DNAAF2: variants seen among roughly 807,000 people sequenced by gnomAD.
DNAAF2 encodes dynein axonemal assembly factor 2.
DNAAF2 carries 58 observed loss-of-function variants against 48.8 expected under a neutral mutation model. The observed-to-expected ratio is 1.19, with a 90% CI of 0.96 to 1.48. DNAAF2 has a LOEUF of 1.48. DNAAF2 is among the 40% of genes most tolerant of loss of function. DNAAF2 has a pLI of 0.00. For synonymous variants in DNAAF2, 567 were observed against 481.2 expected (o/e 1.18, Z -2.33); for missense variants, 1,241 against 1,116.1 (o/e 1.11, Z -1.59).
In DNAAF2 at chr14:49,634,899, C is replaced by G. The variant is rs1227666218; in HGVS notation, c.251G>C (p.Gly84Ala). Reference sequence around the variant, plus strand: ...GACATTCACAAAGCAGCGCCGCGCCCCGTCCAGGCTGGTGCGCAGCACATG... The same window carrying G: ...GACATTCACAAAGCAGCGCCGCGCCGCGTCCAGGCTGGTGCGCAGCACATG... ...PGHVLRTSLD[G>A]ARRCFVNVCS... The change falls in exon 1 of 3, where the codon GGG becomes GCG. Residue 84 changes from glycine (G) to alanine (A), a missense_variant. By Grantham distance (60) the Gly-to-Ala change is moderately conservative. Transcript: ENST00000298292. 6 of 1,550,388 alleles carry G rather than the reference C, an allele frequency of 3.9e-6. No homozygotes were observed. Among genetic ancestry groups the G allele is most frequent in the African/African-American group, 1.4e-5 (1 of 73,076 alleles).
At chr14:49,630,704 A>ACACACACACACACACAC (rs1883132021) in intron 1 of DNAAF2, among the ~76,000 whole-genome samples, 6 of 58,720 alleles carry the variant, frequency 1.0e-4, no homozygotes, top group Non-Finnish European at 2.5e-4. Context: ...CACACACATA[A>ACACACACACACACACAC]ACTCTCTACA....
rs1002627627 is a variant in DNAAF2, at chr14:49,634,775, C to G, written c.375G>C (p.Leu125=). 9 of 1,586,640 alleles carry G rather than the reference C, an allele frequency of 5.7e-6. No individual in the cohort carries two copies. Among genetic ancestry groups the G allele is most frequent in the Non-Finnish European group, 7.7e-6 (9 of 1,170,630 alleles). Residue 125 remains leucine, a synonymous_variant, in exon 1 of 3, where the codon CTG becomes CTC. Coordinates refer to ENST00000298292, the MANE Select transcript of DNAAF2 (RefSeq NM_018139.3). The part of the protein sequence containing the change: ...PGSHWSLPYS[L]APGREYAGRS... The stretch of plus-strand genomic sequence containing the variant: ...GCCCCGCGTACTCGCGGCCGGGCGC[C>G]AGGCTGTAGGGCAGGGACCAGTGGC...
rs1424973374 is a variant in DNAAF2 at position 49,635,165 on chromosome 14, C to T, written c.-16G>A. On this transcript the variant is annotated 5_prime_UTR_variant, in exon 1 of 3. Transcript: ENST00000298292. ...CTTTGGCCATACTGTCCTGTGGCTC[C>T]TCGCCCTCGGGCCAAAGGCGATCAG... 2.3e-5 allele frequency: 36 copies of T among 1,552,170 alleles called. No homozygotes were observed. Among genetic ancestry groups the T allele is most frequent in the Non-Finnish European group, 3.0e-5 (35 of 1,148,150 alleles).
In DNAAF2 at chr14:49,634,532, G is replaced by A. The variant is rs759493468; in HGVS notation, c.618C>T (p.Pro206=). Residue 206 remains proline, a synonymous_variant, in exon 1 of 3, where the codon CCC becomes CCT. Coordinates refer to ENST00000298292, the MANE Select transcript of DNAAF2 (RefSeq NM_018139.3). ...PEAAVLRTPL[P]GVIPARPDGE... Reference sequence around the variant, plus strand: ...CGTCAGGCCTTGCGGGGATGACCCCGGGCAGGGGCGTGCGCAGCACCGCAG... The same window carrying A: ...CGTCAGGCCTTGCGGGGATGACCCCAGGCAGGGGCGTGCGCAGCACCGCAG... 1.2e-6 allele frequency: 2 copies of A among 1,602,078 alleles called. No individual in the cohort carries two copies. Among genetic ancestry groups the A allele is most frequent in the East Asian group, 2.2e-5 (1 of 44,854 alleles).
Position 49,633,370 on chromosome 14 carries a change from C to A in DNAAF2, c.1780G>T (p.Ala594Ser). The A allele has an allele frequency of 6.2e-7, 1 of 1,614,060 alleles. No individual in the cohort carries two copies. Residue 594 changes from alanine (A) to serine (S), a missense_variant, in exon 1 of 3, where the codon GCA (alanine) becomes TCA (serine). Physicochemically the swap from Ala to Ser is moderately conservative, Grantham distance 99. Coordinates refer to ENST00000298292, the MANE Select transcript of DNAAF2 (RefSeq NM_018139.3). ...GGAGATTTTGCCAGTTCTATCACTG[C>A]ATTGTTTGAAGAAATGCTAATCACA... is the stretch of plus-strand genomic sequence containing the variant. ...EPVISISSNNAVIELAKSPES... is the reference protein window; with the variant it reads ...EPVISISSNNSVIELAKSPES...
chr14:49,625,230 A>G lies in DNAAF2; in HGVS notation c.*312T>C. ...AAAGCAAAATTTAACACAGAAGTAT[A>G]TATACATAGGTTGTATTAAAACTAA... On this transcript the variant is annotated 3_prime_UTR_variant, in exon 3 of 3. Transcript: ENST00000298292. The G allele has an allele frequency of 6.0e-6, 1 of 166,312 alleles. No homozygotes were observed. Among genetic ancestry groups the G allele is most frequent in the Non-Finnish European group, 1.3e-5 (1 of 77,530 alleles). The allele number at this position is 166,312 out of a possible 1,614,324, so 10.3% of individuals were successfully genotyped here.
At position 49,625,551 on chromosome 14, in the gene DNAAF2, A is replaced by G. The variant is rs1229371492; in HGVS notation, c.2505T>C (p.Asp835=). Reference sequence around the variant, plus strand: ...CCAAAATTATATAGAATTAATCCAAATCATATAGCAAAGAATTCTGAAAAC... The same window carrying G: ...CCAAAATTATATAGAATTAATCCAAGTCATATAGCAAAGAATTCTGAAAAC... ...AFSFQNSLLY[D]LD The change falls in exon 3 of 3, where the codon GAT becomes GAC. Residue 835 remains aspartate (D), a synonymous_variant. Coordinates refer to ENST00000298292, the MANE Select transcript of DNAAF2 (RefSeq NM_018139.3). The G allele has an allele frequency of 3.2e-6, 5 of 1,585,188 alleles. No individual in the cohort carries two copies. Among genetic ancestry groups the G allele is most frequent in the Non-Finnish European group, 4.3e-6 (5 of 1,167,288 alleles).
intron 2 of DNAAF2, among the ~76,000 whole-genome samples, chr14:49,627,562 A>G (rs1262059482): frequency 6.6e-6 from 1 of 152,128 alleles, no homozygotes; most frequent in East Asian, 1.9e-4. Context: ...ACACAGACAA[A>G]AGGCTTTTCT....
chr14:49,634,398 GT>G lies in DNAAF2; in HGVS notation c.751del (p.Thr251ProfsTer34). On this transcript the variant is annotated frameshift_variant, in exon 1 of 3. Transcript: ENST00000298292. LOFTEE classifies it high-confidence loss of function. Reference protein sequence around the residue: ...PPEAALQPAPTEPRYSVVQRH... With the variant: ...PPEAALQPAPXEPRYSVVQRH... ...CTGCACCACGCTGTAGCGAGGCTCG[GT>G]GGGGGCGGGCTGCAAGGCCGCTTCC... 1 of 1,586,214 alleles carries G rather than the reference GT, an allele frequency of 6.3e-7. No individual in the cohort carries two copies. Among genetic ancestry groups the G allele is most frequent in the Non-Finnish European group, 8.6e-7 (1 of 1,166,352 alleles).
At chr14:49,630,207 G>T (rs1883116795) in intron 1 of DNAAF2, among the ~76,000 whole-genome samples, 1 of 149,166 alleles carries the variant, frequency 6.7e-6, no homozygotes, top group South Asian at 2.1e-4. Context: ...CTCCAGCCTG[G>T]GTGAGACAGA....
rs1026111959 is a variant in DNAAF2 at position 49,627,202 on chromosome 14, CTATT to C, written c.2007+806_2007+809del. Among the ~76,000 whole-genome samples, 20 of 152,314 alleles carry C rather than the reference CTATT, an allele frequency of 1.3e-4. 1 individual carries two copies. The highest frequency in any genetic ancestry group is 4.8e-4 in the African/African-American group (20 of 41,562). ...ATACTTTTCAACATGGTCTACAAAA[CTATT>C]TAACAGTTATAAGCACATTGTTGAA... On this transcript the variant is annotated intron_variant, in intron 2 of 2. Transcript: ENST00000298292.
Position 49,633,487 on chromosome 14 carries a change from G to A in DNAAF2, c.1663C>T (p.Leu555Phe), listed in dbSNP as rs754770601. ...GCGGAGAAGCGTAATTTGTACCAGA[G>A]GGGATTCAAATCTCCTTGAAGACTT... is the stretch of plus-strand genomic sequence containing the variant. ...PQSLQGDLNP[L>F]WYKLRFSAQD... The change falls in exon 1 of 3, where the codon CTC (leucine) becomes TTC (phenylalanine). Residue 555 changes from leucine (L) to phenylalanine (F), a missense_variant. Physicochemically the swap from Leu to Phe is conservative, Grantham distance 22 (BLOSUM62 0). Transcript: ENST00000298292. 3.1e-6 allele frequency: 5 copies of A among 1,614,036 alleles called. No homozygotes were observed. The South Asian group carries it at 4.4e-5, about 14-fold the overall frequency.
At position 49,634,772 on chromosome 14, in the gene DNAAF2, C is replaced by T. The variant is rs1014750801; in HGVS notation, c.378G>A (p.Ala126=). ...TGCGCCCCGCGTACTCGCGGCCGGGCGCCAGGCTGTAGGGCAGGGACCAGT... is the reference window on the plus strand; with the variant it reads ...TGCGCCCCGCGTACTCGCGGCCGGGTGCCAGGCTGTAGGGCAGGGACCAGT... ...GSHWSLPYSL[A]PGREYAGRSS... is the part of the protein sequence containing the mutation. The change falls in exon 1 of 3, where the codon GCG becomes GCA. Residue 126 remains alanine (A), a synonymous_variant. Transcript: ENST00000298292. 7 of 1,588,974 alleles carry T rather than the reference C, an allele frequency of 4.4e-6. No homozygotes were observed. The African/African-American group carries it at 5.4e-5, about 12-fold the overall frequency.
rs1001229027 is a variant in DNAAF2 at position 49,634,308 on chromosome 14, T to C, written c.842A>G (p.His281Arg). The C allele has an allele frequency of 2.5e-6, 4 of 1,611,772 alleles. No individual in the cohort carries two copies. The highest frequency in any genetic ancestry group is 1.3e-5 in the African/African-American group (1 of 74,836). ...SRDSAPSPVP[H>R]ELVITIELPL... ...CAGTTCGATGGTGATCACCAGCTCA[T>C]GGGGCACGGGGCTCGGGGCTGAGTC... Residue 281 changes from histidine (H) to arginine (R), a missense_variant, in exon 1 of 3, where the codon CAT becomes CGT. His to Arg is a conservative substitution (Grantham distance 29). Transcript: ENST00000298292.
Position 49,633,285 on chromosome 14 carries a change from A to G in DNAAF2, c.1863+2T>C. 6.2e-7 allele frequency: 1 copy of G among 1,612,352 alleles called. No individual in the cohort carries two copies. The highest frequency in any genetic ancestry group is 2.2e-5 in the East Asian group (1 of 44,856). On this transcript the variant is annotated splice_donor_variant, in intron 1 of 2. Transcript: ENST00000298292. LOFTEE classifies it high-confidence loss of function. ...TATGAGGACTCTGGAAAGAACTGTT[A>G]CCTCCAAAGAATCGTTGTTTACACC...
In DNAAF2 at chr14:49,635,018, G is replaced by C; in HGVS notation, c.132C>G (p.Thr44=). 6.4e-7 allele frequency: 1 copy of C among 1,571,692 alleles called. No homozygotes were observed. The highest frequency in any genetic ancestry group is 8.6e-7 in the Non-Finnish European group (1 of 1,159,074). Residue 44 remains threonine (T), a synonymous_variant, in exon 1 of 3, where the codon ACC becomes ACG. Transcript: ENST00000298292. ...RMFSQYAEEL[T]DPENRRRYEA... is the part of the protein sequence containing the mutation. ...CGTAGCGCCGCCGGTTCTCCGGGTC[G>C]GTGAGCTCCTCGGCGTACTGGGAGA... is the stretch of plus-strand genomic sequence containing the variant.
intron 2 of DNAAF2, 143 bp downstream of exon 2, chr14:49,627,868 AG>A (rs1331832161): frequency 4.6e-4 from 407 of 881,108 alleles, no homozygotes; most frequent in Non-Finnish European, 4.4e-4. Context: ...AAAAAAAAAA[AG>A]AAAAACTTTT....
chr14:49,626,226 G>T (rs1056061022), intron 2 of DNAAF2, among the ~76,000 whole-genome samples, 178 bp from the exon 3 acceptor site: 2 of 152,136 alleles, frequency 1.3e-5, no homozygotes, highest in Non-Finnish European at 2.9e-5. Flanking sequence ...AGTGGCTCAT[G>T]CCTGTAATCC....
rs546757721 is a variant in DNAAF2 at position 49,625,463 on chromosome 14, A to C, written c.*79T>G. On this transcript the variant is annotated 3_prime_UTR_variant, in exon 3 of 3. Transcript: ENST00000298292. Reference sequence around the variant, plus strand: ...TTTATACTTTAATACCTTTAGTTTTAAGACAACAGTTAACAGAATCAATTT... The same window carrying C: ...TTTATACTTTAATACCTTTAGTTTTCAGACAACAGTTAACAGAATCAATTT... 1.4e-5 allele frequency: 16 copies of C among 1,103,510 alleles called. No individual in the cohort carries two copies. The highest frequency in any genetic ancestry group is 3.0e-5 in the East Asian group (1 of 33,650). 68.4% of individuals were successfully genotyped at this position (1,103,510 alleles called of 1,614,324 possible).
Sources: allele counts gnomAD v4.1 joint callset (sites outside exome capture counted in the v4.1 genomes callset), GRCh38; gene constraint gnomAD v4.1.1; transcripts MANE v1.5; gene names NCBI Gene and HGNC (gene_info 2026-07-23, HGNC 2026-07-21).